LCORL: variants seen among roughly 807,000 people sequenced by gnomAD.
LCORL encodes ligand-dependent nuclear receptor corepressor-like protein.
LCORL carries 41 observed loss-of-function variants against 141.8 expected under a neutral mutation model. That is an observed-to-expected ratio of 0.29 (90% CI 0.23 to 0.38). LCORL has a LOEUF of 0.38. LCORL is among the 10% of genes least tolerant of loss of function. The probability of loss-of-function intolerance (pLI) is 1.00; values close to 1 mark genes in which losing one functional copy is unlikely to be tolerated. For synonymous variants in LCORL, 618 were observed against 694.1 expected (o/e 0.89, Z 1.72); for missense variants, 1,759 against 2,035.0 (o/e 0.86, Z 2.61).
At chr4:17,927,916 C>T (rs932223182) in intron 4 of LCORL, among the ~76,000 whole-genome samples, 1 of 152,054 alleles carries the variant, frequency 6.6e-6, no homozygotes, top group Non-Finnish European at 1.5e-5. Context: ...GGCTGCTACG[C>T]ACCTTCAATT....
chr4:17,946,965 A>C (rs1350057485), intron 4 of LCORL, among the ~76,000 whole-genome samples: 1 of 151,932 alleles, frequency 6.6e-6, no homozygotes, highest in Admixed American at 6.6e-5. Context: ...CCTCAGAAAA[A>C]CTGAAAATTG....
chr4:17,987,244 A>G (rs1719137598), intron 1 of LCORL, among the ~76,000 whole-genome samples: 1 of 152,202 alleles, frequency 6.6e-6, no homozygotes, highest in Non-Finnish European at 1.5e-5. Flanking sequence ...ATTTACTACC[A>G]TAAAATTCAC....
At chr4:17,846,039 AAC>A (rs1177615545) in intron 7 of LCORL, 138 bp from the exon 8 acceptor site, 4 of 661,604 alleles carry the variant, frequency 6.0e-6, no homozygotes, top group Admixed American at 5.7e-5. Context: ...CTGAAAATAC[AAC>A]AGTTTTCTCT....
chr4:17,951,926 A>T (rs749156760), intron 4 of LCORL, among the ~76,000 whole-genome samples: 4 of 152,242 alleles, frequency 2.6e-5, no homozygotes, highest in Non-Finnish European at 4.4e-5. Flanking sequence ...CTAAATTAGT[A>T]GCATTCTATA....
At chr4:17,949,244 A>G (rs1739353923) in intron 4 of LCORL, among the ~76,000 whole-genome samples, 1 of 152,112 alleles carries the variant, frequency 6.6e-6, no homozygotes, top group Non-Finnish European at 1.5e-5. Context: ...GGAAGAGGCC[A>G]GATCCCTCCT....
At chr4:17,948,825 G>C (rs1560389207) in intron 4 of LCORL, among the ~76,000 whole-genome samples, 1 of 149,672 alleles carries the variant, frequency 6.7e-6, no homozygotes, top group Non-Finnish European at 1.5e-5. Flanking sequence ...GGAGTAAAGA[G>C]ACAATTTTCA....
intron 7 of LCORL, among the ~76,000 whole-genome samples, chr4:17,856,799 A>C (rs1054690881): frequency 1.9e-4 from 29 of 151,998 alleles, no homozygotes; most frequent in African/African-American, 6.5e-4. Context: ...AGATGTCTCA[A>C]CTCCATTCAT....
chr4:17,955,135 A>C (rs139392067), intron 4 of LCORL, among the ~76,000 whole-genome samples: 2 of 152,334 alleles, frequency 1.3e-5, no homozygotes, highest in East Asian at 3.9e-4. Context: ...GTCAAGAAGA[A>C]GAAAACCAGC....
At chr4:17,922,007 C>T (rs1328417469) in intron 4 of LCORL, among the ~76,000 whole-genome samples, 2 of 152,158 alleles carry the variant, frequency 1.3e-5, no homozygotes, top group East Asian at 3.9e-4. Flanking sequence ...AGACTGAAGG[C>T]TGCACTGTCG....
At chr4:17,902,450 C>G (rs1042174753) in intron 5 of LCORL, among the ~76,000 whole-genome samples, 2 of 152,058 alleles carry the variant, frequency 1.3e-5, no homozygotes, top group Non-Finnish European at 2.9e-5. Context: ...CCACAGAAAA[C>G]AAAAGCTCGG....
intron 4 of LCORL, among the ~76,000 whole-genome samples, chr4:17,938,417 C>CTTT (rs71651867): frequency 1.6e-5 from 2 of 123,474 alleles, no homozygotes; most frequent in South Asian, 2.6e-4. Flanking sequence ...CTGTTTCTTT[C>CTTT]TTTTTTTTTT....
intron 4 of LCORL, among the ~76,000 whole-genome samples, chr4:17,922,349 G>A (rs1466963316): frequency 2.0e-5 from 3 of 152,140 alleles, no homozygotes; most frequent in Non-Finnish European, 2.9e-5. Context: ...GGCATGAACT[G>A]TTTAAAGAGT....
At chr4:17,979,744 A>G (rs1328715144) in intron 1 of LCORL, among the ~76,000 whole-genome samples, 2 of 152,158 alleles carry the variant, frequency 1.3e-5, no homozygotes, top group Non-Finnish European at 2.9e-5. Context: ...TCCTCCAGAG[A>G]GTTCTAATAC....
intron 1 of LCORL, among the ~76,000 whole-genome samples, chr4:18,006,032 A>T (rs954690267): frequency 6.6e-6 from 1 of 152,180 alleles, no homozygotes; most frequent in African/African-American, 2.4e-5. Context: ...CAAAATTTCC[A>T]AACTTTTATG....
At chr4:17,907,266 G>T (rs191145391) in intron 5 of LCORL, among the ~76,000 whole-genome samples, 2 of 152,154 alleles carry the variant, frequency 1.3e-5, no homozygotes, top group Non-Finnish European at 2.9e-5. Flanking sequence ...AGGAACGGGG[G>T]GTAGACAGTG....
At chr4:17,979,708 C>T (rs755976778) in intron 1 of LCORL, among the ~76,000 whole-genome samples, 3 of 152,120 alleles carry the variant, frequency 2.0e-5, no homozygotes, top group South Asian at 2.1e-4. Flanking sequence ...AGATCAAATT[C>T]CCTAAGGCCT....
intron 2 of LCORL, among the ~76,000 whole-genome samples, chr4:17,968,925 T>C (rs570622118): frequency 6.6e-6 from 1 of 152,374 alleles, no homozygotes; most frequent in African/African-American, 2.4e-5. Flanking sequence ...GCCTTTGATA[T>C]GTTGCCACAC....
chr4:17,885,169 A>G (rs1728103293), intron 6 of LCORL, among the ~76,000 whole-genome samples: 1 of 151,972 alleles, frequency 6.6e-6, no homozygotes, highest in African/African-American at 2.4e-5. Flanking sequence ...CAAGTAATAA[A>G]AGAGTCAACC....
chr4:17,926,343 GC>G (rs1735145949), intron 4 of LCORL, among the ~76,000 whole-genome samples: 1 of 152,214 alleles, frequency 6.6e-6, no homozygotes, highest in African/African-American at 2.4e-5. Flanking sequence ...TGCCAGCTCG[GC>G]TACGATAAAA....
Sources: allele counts gnomAD v4.1 joint callset (sites outside exome capture counted in the v4.1 genomes callset), GRCh38; gene constraint gnomAD v4.1.1; transcripts MANE v1.5; gene names NCBI Gene and HGNC (gene_info 2026-07-23, HGNC 2026-07-21).